Variants in STAMBP observed in about 807,000 individuals in gnomAD.
The protein encoded by STAMBP is STAM binding protein, also known as STAM-binding protein.
STAMBP carries 31 observed loss-of-function variants against 50.7 expected under a neutral mutation model. The observed-to-expected ratio is 0.61, with a 90% confidence interval of 0.46 to 0.83. The LOEUF (loss-of-function observed/expected upper bound fraction) is 0.83, where lower values mean the gene tolerates loss of function less well. Ranked by LOEUF, STAMBP falls within the 40% of genes least tolerant of loss-of-function variation. The pLI, the probability that STAMBP is intolerant of heterozygous loss-of-function variation, is 0.00. For synonymous variants in STAMBP, 211 were observed against 192.4 expected (o/e 1.10, Z -0.80); for missense variants, 472 against 518.9 (o/e 0.91, Z 0.88).
At position 73,847,507 on chromosome 2, in the gene STAMBP, G is replaced by A. The variant is rs776019435; in HGVS notation, c.496G>A (p.Glu166Lys). The change falls in exon 5 of 10, where the codon GAG (glutamate) becomes AAG (lysine). Residue 166 changes from glutamate (E) to lysine (K), a missense_variant. Transcript: ENST00000394070. Reference sequence around the variant, plus strand: ...GGAACAGGAACAGTTCCATGCCTTCGAGGAGATGATCCGGAACCAGGAGCT... The same window carrying A: ...GGAACAGGAACAGTTCCATGCCTTCAAGGAGATGATCCGGAACCAGGAGCT... The part of the protein sequence containing the change: ...QLEQEQFHAF[E>K]EMIRNQELEK... The A allele has an allele frequency of 5.0e-6, 8 of 1,614,160 alleles. No individual in the cohort carries two copies. The highest frequency in any genetic ancestry group is 2.2e-5 in the South Asian group (2 of 91,078).
chr2:73,849,379 A>G lies in STAMBP; in HGVS notation c.759A>G (p.Gly253=). The part of the protein sequence containing the change: ...SNSESIPTID[G]LRHVVVPGRL... ...CCTTTACAGTTCCCACAATCGATGG[A>G]TTGCGCCATGTGGTGGTGCCTGGGC... Residue 253 remains glycine (G), a synonymous_variant, in exon 6 of 10, where the codon GGA becomes GGG. Transcript: ENST00000394070. The G allele has an allele frequency of 6.2e-7, 1 of 1,613,424 alleles. No homozygotes were observed. Among genetic ancestry groups the G allele is most frequent in the Non-Finnish European group, 8.5e-7 (1 of 1,179,764 alleles).
chr2:73,855,203 C>G (rs1677396096), intron 7 of STAMBP, among the ~76,000 whole-genome samples: 1 of 152,232 alleles, frequency 6.6e-6, no homozygotes, highest in South Asian at 2.1e-4. Context: ...TCAGCGCTAT[C>G]TGAGCCATTT....
In STAMBP at chr2:73,847,436, T is replaced by C; in HGVS notation, c.425T>C (p.Leu142Pro). The stretch of plus-strand genomic sequence containing the variant: ...CGGAACATGGCCATCCAGCAAGAGC[T>C]GGAAAAGGAAAAACAGAGGGTAGCA... ...LARNMAIQQE[L>P]EKEKQRVAQQ... The change falls in exon 5 of 10, where the codon CTG becomes CCG. Residue 142 changes from leucine to proline, a missense_variant. Transcript: ENST00000394070. 6.2e-7 allele frequency: 1 copy of C among 1,613,228 alleles called. No homozygotes were observed. The highest frequency in any genetic ancestry group is 8.5e-7 in the Non-Finnish European group (1 of 1,179,472).
At chr2:73,834,869 G>C (rs1380647864) in intron 2 of STAMBP, among the ~76,000 whole-genome samples, 1 of 152,176 alleles carries the variant, frequency 6.6e-6, no homozygotes, top group South Asian at 2.1e-4. Context: ...ACCTTAGCAT[G>C]TTCTGGGGAT....
At chr2:73,836,569 G>A (rs1330627366) in intron 2 of STAMBP, among the ~76,000 whole-genome samples, 1 of 152,246 alleles carries the variant, frequency 6.6e-6, no homozygotes, top group East Asian at 1.9e-4. Context: ...CCCTGAGCAG[G>A]GGAAAGGGCT....
intron 2 of STAMBP, among the ~76,000 whole-genome samples, chr2:73,834,876 G>A (rs1674526854): frequency 6.6e-6 from 1 of 152,116 alleles, no homozygotes; most frequent in Non-Finnish European, 1.5e-5. Context: ...CATGTTCTGG[G>A]GATTGAAAGA....
chr2:73,860,031 C>T, intron 8 of STAMBP, 21 bp from the exon 9 acceptor site: 2 of 1,584,682 alleles, frequency 1.3e-6, no homozygotes, highest in Non-Finnish European at 1.7e-6. Context: ...TGACTCTTAG[C>T]CTGCCTTTTT....
intron 5 of STAMBP, among the ~76,000 whole-genome samples, chr2:73,848,027 A>T (rs914439696): frequency 2.0e-5 from 3 of 152,222 alleles, no homozygotes; most frequent in Non-Finnish European, 4.4e-5. Flanking sequence ...AGAATGTGCC[A>T]AACCGAATTC....
downstream of STAMBP, among the ~76,000 whole-genome samples, chr2:73,867,346 A>G (rs1678994515): frequency 6.6e-6 from 1 of 152,188 alleles, no homozygotes; most frequent in African/African-American, 2.4e-5. Flanking sequence ...GGAGTTTGAG[A>G]CCAGCCTGAT....
intron 7 of STAMBP, among the ~76,000 whole-genome samples, chr2:73,856,088 TAAAAC>T (rs1024102067): frequency 6.6e-6 from 1 of 152,234 alleles, no homozygotes; most frequent in Non-Finnish European, 1.5e-5. Context: ...ATGTGCTTAA[TAAAAC>T]AAACAATGGA....
intron 2 of STAMBP, among the ~76,000 whole-genome samples, chr2:73,840,743 CAAA>C (rs1207262099): frequency 2.8e-5 from 3 of 107,182 alleles, no homozygotes; most frequent in African/African-American, 9.9e-5. Context: ...GACTCTGTCT[CAAA>C]AAAAAAAAAA....
In STAMBP at chr2:73,850,853, G is replaced by C. The variant is rs536849962; in HGVS notation, c.1005+340G>C. Among the ~76,000 whole-genome samples the C allele has an allele frequency of 2.0e-5, 3 of 152,306 alleles. No homozygotes were observed. The highest frequency in any genetic ancestry group is 3.9e-4 in the East Asian group (2 of 5,186). ...GAGACTATGCCTACTGTGTACAGAT[G>C]ATGTTCCTTAAAGGTATATAATTCA... On this transcript the variant is annotated intron_variant, in intron 7 of 9. Coordinates refer to ENST00000394070, the MANE Select transcript of STAMBP (RefSeq NM_213622.4). This position sits in a 1 kb window ranked among gnomAD's most constrained non-coding sequence, Gnocchi z 4.3.
At chr2:73,856,995 T>G (rs1677632723) in intron 7 of STAMBP, among the ~76,000 whole-genome samples, 1 of 152,226 alleles carries the variant, frequency 6.6e-6, no homozygotes, top group Admixed American at 6.5e-5. Context: ...TTCTTCACAC[T>G]TGGAACCTAG....
At chr2:73,856,492 G>C (rs559784394) in intron 7 of STAMBP, among the ~76,000 whole-genome samples, 3 of 152,304 alleles carry the variant, frequency 2.0e-5, no homozygotes, top group African/African-American at 7.2e-5. Context: ...GAAATTATGA[G>C]TCTCTTGAAA....
downstream of STAMBP, among the ~76,000 whole-genome samples, chr2:73,869,767 TAA>T (rs1394387670): frequency 1.3e-5 from 2 of 152,066 alleles, no homozygotes; most frequent in African/African-American, 4.8e-5. Context: ...AATAAACCTA[TAA>T]GTTAAAGTAA....
At chr2:73,845,736 A>G (rs971149108) in intron 4 of STAMBP, among the ~76,000 whole-genome samples, 2 of 150,310 alleles carry the variant, frequency 1.3e-5, no homozygotes, top group Non-Finnish European at 2.9e-5. Flanking sequence ...GACTCAAGTG[A>G]TTCTCCTACC....
chr2:73,869,336 A>G (rs544315946), downstream of STAMBP, among the ~76,000 whole-genome samples: 1 of 152,288 alleles, frequency 6.6e-6, no homozygotes, highest in African/African-American at 2.4e-5. Flanking sequence ...TGCAAGCCTC[A>G]TATGAAGAAA....
intron 4 of STAMBP, among the ~76,000 whole-genome samples, chr2:73,845,981 G>C (rs541090310): frequency 2.0e-5 from 3 of 152,300 alleles, no homozygotes; most frequent in African/African-American, 7.2e-5. Context: ...GTTAAAACAT[G>C]TGGAGAAACT....
chr2:73,834,849 G>T (rs1036166196), intron 2 of STAMBP, among the ~76,000 whole-genome samples: 1 of 152,152 alleles, frequency 6.6e-6, no homozygotes, highest in Admixed American at 6.5e-5. Flanking sequence ...GAAGTGCTTA[G>T]ATGGGAAAGA....
Sources: gnomAD v4.1 joint callset for allele counts (sites outside exome capture counted in the v4.1 genomes callset) on GRCh38, gnomAD v4.1.1 for gene constraint, Gnocchi (gnomAD v3.1) non-coding constraint, MANE v1.5 for transcripts, NCBI Gene and HGNC (gene_info 2026-07-23, HGNC 2026-07-21) for gene names.